The following SMAD7 variants were observed in gnomAD, a reference collection of about 807,000 sequenced individuals.
SMAD7 encodes SMAD family member 7, also known as MAD (mothers against decapentaplegic, Drosophila) homolog 7.
A neutral mutation model predicts 38.7 loss-of-function variants in SMAD7; 8 were observed. That is an observed-to-expected ratio of 0.21 (90% confidence interval 0.12 to 0.37). SMAD7 has a LOEUF of 0.37. Ranked by LOEUF, SMAD7 falls within the 10% of genes least tolerant of loss-of-function variation. SMAD7 has a pLI of 1.00. For missense variants in SMAD7, 477 were observed against 577.9 expected (o/e 0.83, Z 1.79); for synonymous variants, 327 against 265.1 (o/e 1.23, Z -2.27).
At chr18:48,925,068 A>G (rs1164040962) in intron 3 of SMAD7, among the ~76,000 whole-genome samples, 1 of 152,124 alleles carries the variant, frequency 6.6e-6, no homozygotes, top group Non-Finnish European at 1.5e-5. Flanking sequence ...GCTCCCAGGG[A>G]CTTCCCGGGC....
At chr18:48,944,636 C>G (rs2070176680) in intron 2 of SMAD7, among the ~76,000 whole-genome samples, 2 of 152,324 alleles carry the variant, frequency 1.3e-5, no homozygotes, top group Admixed American at 1.3e-4. Flanking sequence ...CTCTCACTCC[C>G]CAGGCAGGCT....
intron 2 of SMAD7, among the ~76,000 whole-genome samples, chr18:48,943,773 T>C (rs7228847): frequency 0.071 from 10,775 of 152,152 alleles, 527 homozygotes; most frequent in East Asian, 0.26. Context: ...GACGGGCAAG[T>C]AGCCCATGGG....
intron 2 of SMAD7, among the ~76,000 whole-genome samples, chr18:48,947,293 T>C (rs1295421125): frequency 6.6e-6 from 1 of 152,076 alleles, no homozygotes; most frequent in Non-Finnish European, 1.5e-5. Flanking sequence ...GGCTGCAGAG[T>C]ATGGGCTTCG....
chr18:48,948,523 C>A lies in SMAD7; in HGVS notation c.614-86G>T, dbSNP rs972806949. The stretch of plus-strand genomic sequence containing the variant: ...ATGATAACAGAGGCATTCTTTTAGC[C>A]CAACTGTTTGTCTTAGCTGTGGGGG... On this transcript the variant is annotated intron_variant, in intron 1 of 3. Transcript: ENST00000262158. The A allele has an allele frequency of 9.3e-6, 9 of 968,938 alleles. No individual in the cohort carries two copies. The African/African-American group carries it at 1.4e-4, about 15-fold the overall frequency. 60.0% of individuals were successfully genotyped at this position (968,938 alleles called of 1,614,324 possible). A position where few individuals can be genotyped will look rare whatever the true frequency, so the allele number is the denominator to read the frequency against.
At chr18:48,924,112 G>C (rs1283350909) in intron 3 of SMAD7, among the ~76,000 whole-genome samples, 1 of 152,074 alleles carries the variant, frequency 6.6e-6, no homozygotes, top group Non-Finnish European at 1.5e-5. Context: ...TTTTGGTGTG[G>C]AGGAGGGTGT....
chr18:48,922,027 AAAG>A (rs2069869058), intron 3 of SMAD7, 117 bp from the exon 4 acceptor site: 2 of 800,310 alleles, frequency 2.5e-6, no homozygotes, highest in South Asian at 3.6e-5. Context: ...GACGAGACAG[AAAG>A]AAGGAGGCGG....
chr18:48,944,194 C>G (rs2070172205), intron 2 of SMAD7, among the ~76,000 whole-genome samples: 1 of 152,176 alleles, frequency 6.6e-6, no homozygotes. Flanking sequence ...ATAGGCTTCT[C>G]AACCCTCTCC....
intron 2 of SMAD7, among the ~76,000 whole-genome samples, chr18:48,943,461 G>A (rs2070164274): frequency 6.6e-6 from 1 of 152,186 alleles, no homozygotes; most frequent in Non-Finnish European, 1.5e-5. Flanking sequence ...CTCCACAACC[G>A]CCCTCCAAGC....
chr18:48,938,055 G>T (rs530026767), intron 3 of SMAD7, among the ~76,000 whole-genome samples: 1 of 152,212 alleles, frequency 6.6e-6, no homozygotes, highest in Non-Finnish European at 1.5e-5. Context: ...TTGTTCACGT[G>T]CAGCTGATTA....
chr18:48,937,052 C>G (rs1219328790), intron 3 of SMAD7, among the ~76,000 whole-genome samples: 2 of 151,788 alleles, frequency 1.3e-5, no homozygotes, highest in Non-Finnish European at 2.9e-5. Flanking sequence ...GCACTCCAGC[C>G]TGGGCGACAG....
At chr18:48,928,521 G>A (rs145092193) in intron 3 of SMAD7, among the ~76,000 whole-genome samples, 13 of 151,734 alleles carry the variant, frequency 8.6e-5, no homozygotes, top group African/African-American at 2.4e-4. Context: ...CTCAAGAGAC[G>A]GTGAGCCCCC....
intron 3 of SMAD7, among the ~76,000 whole-genome samples, 188 bp downstream of exon 3, chr18:48,942,293 A>G (rs1348086408): frequency 6.6e-6 from 1 of 152,198 alleles, no homozygotes; most frequent in Admixed American, 6.5e-5. Flanking sequence ...TCCAGAGCGT[A>G]AAGGACTGCA....
intron 1 of SMAD7, 56 bp from the exon 2 acceptor site, chr18:48,948,493 A>C: frequency 2.5e-6 from 3 of 1,210,358 alleles, no homozygotes; most frequent in Non-Finnish European, 3.6e-6. Context: ...GAGAGATAGA[A>C]ACTTATGATA....
chr18:48,947,891 T>TCCC lies in SMAD7; in HGVS notation c.667+492_667+493insGGG, dbSNP rs1491319973. ...GCAGGTGACTGGAGCAGGAGGAACC[T>TCCC]ACCCCCCCCCCCCTTTTACTGGCTG... On this transcript the variant is annotated intron_variant, in intron 2 of 3. Coordinates refer to ENST00000262158, the MANE Select transcript of SMAD7 (RefSeq NM_005904.4). Among the ~76,000 whole-genome samples the TCCC allele has an allele frequency of 4.4e-4, 40 of 90,656 alleles. 2 individuals are homozygous for TCCC. The highest frequency in any genetic ancestry group is 1.9e-3 in the Admixed American group (18 of 9,538). 59.5% of individuals were successfully genotyped at this position (90,656 alleles called of 152,430 possible).
intron 3 of SMAD7, among the ~76,000 whole-genome samples, chr18:48,925,205 C>G (rs1057114820): frequency 2.0e-5 from 3 of 152,204 alleles, no homozygotes; most frequent in African/African-American, 7.2e-5. Flanking sequence ...GCTTTATAAC[C>G]TTTTCCGGTA....
Position 48,923,907 on chromosome 18 carries a change from C to A in SMAD7, c.743-1997G>T, listed in dbSNP as rs2069894636. On this transcript the variant is annotated intron_variant, in intron 3 of 3. Coordinates refer to ENST00000262158, the MANE Select transcript of SMAD7 (RefSeq NM_005904.4). ...GGGAGAAGGTGACTCATCAGGCATT[C>A]ACTTGTTTCTGCAAAGTATCCATCA... 2.6e-5 allele frequency among the ~76,000 whole-genome samples: 4 copies of A among 152,284 alleles called. No homozygotes were observed. In the South Asian group the frequency reaches 8.3e-4, roughly 32 times the overall value.
intron 2 of SMAD7, among the ~76,000 whole-genome samples, chr18:48,944,314 T>G (rs991180115): frequency 1.3e-5 from 2 of 152,136 alleles, no homozygotes; most frequent in East Asian, 3.8e-4. Flanking sequence ...AAGGTGTGTT[T>G]CAAAGGAAAA....
At chr18:48,949,164 C>T in intron 1 of SMAD7, 1 of 413,238 alleles carries the variant, frequency 2.4e-6, no homozygotes, top group Non-Finnish European at 3.3e-6. Flanking sequence ...AGGGGACACC[C>T]AACTTCTCCT....
rs1201371081 is a variant in SMAD7 at position 48,921,903 on chromosome 18, T to C, written c.750A>G (p.Gln250=). The part of the protein sequence containing the change: ...YLAPGGLSDS[Q]LLLEPGDRSH... ...ACCGATCCCCAGGCTCCAGAAGAAG[T>C]TGGGAATCTAGAAAACACATTGGCA... The change falls in exon 4 of 4, where the codon CAA becomes CAG. Residue 250 remains glutamine, a synonymous_variant. Transcript: ENST00000262158. This position sits in a 1 kb window ranked among gnomAD's most constrained non-coding sequence, Gnocchi z 6.4. The C allele has an allele frequency of 1.2e-6, 2 of 1,600,608 alleles. No homozygotes were observed. The highest frequency in any genetic ancestry group is 1.7e-5 in the Admixed American group (1 of 58,730).
Sources: gnomAD v4.1 joint callset for allele counts (sites outside exome capture counted in the v4.1 genomes callset) on GRCh38, gnomAD v4.1.1 for gene constraint, Gnocchi (gnomAD v3.1) non-coding constraint, MANE v1.5 for transcripts, NCBI Gene and HGNC (gene_info 2026-07-23, HGNC 2026-07-21) for gene names.